HS6ST3: variants seen among roughly 807,000 people sequenced by gnomAD.
The protein encoded by HS6ST3 is heparan-sulfate 6-O-sulfotransferase 3.
HS6ST3 carries 12 observed loss-of-function variants against 36.7 expected under a neutral mutation model. The ratio of observed to expected loss-of-function variants is 0.33; its 90% CI spans 0.21 to 0.53. The LOEUF (loss-of-function observed/expected upper bound fraction) is 0.53, where lower values mean the gene tolerates loss of function less well. Among genes scored for constraint, HS6ST3 ranks in the 20% least tolerant of loss-of-function variants. The pLI is 0.95. For missense variants in HS6ST3, 584 were observed against 640.9 expected (o/e 0.91, Z 0.96); for synonymous variants, 240 against 257.5 (o/e 0.93, Z 0.65).
chr13:96,484,202 C>T (rs563588781), intron 1 of HS6ST3, among the ~76,000 whole-genome samples: 7 of 151,938 alleles, frequency 4.6e-5, no homozygotes, highest in Admixed American at 2.0e-4. Flanking sequence ...AAGTGTAAAA[C>T]TTAATGTTTT....
intron 1 of HS6ST3, among the ~76,000 whole-genome samples, chr13:96,378,539 C>A (rs78379771): frequency 0.014 from 2,205 of 152,266 alleles, 26 homozygotes; most frequent in East Asian, 0.057. Context: ...CCTGAATCTT[C>A]CTAGTGTTTT....
chr13:96,140,232 T>G (rs965978748), intron 1 of HS6ST3, among the ~76,000 whole-genome samples: 2 of 152,200 alleles, frequency 1.3e-5, no homozygotes, highest in Admixed American at 6.5e-5. Context: ...AGGTGCAGTA[T>G]TAAATCATAA....
intron 1 of HS6ST3, among the ~76,000 whole-genome samples, chr13:96,355,356 G>GTT (rs1344205709): frequency 1.7e-5 from 2 of 117,960 alleles, no homozygotes; most frequent in African/African-American, 6.7e-5. Flanking sequence ...TGAGTCTATA[G>GTT]TTACACACAC....
chr13:96,272,871 A>AATACCCTAAAG (rs1468791633), intron 1 of HS6ST3, among the ~76,000 whole-genome samples: 1 of 151,988 alleles, frequency 6.6e-6, no homozygotes, highest in Non-Finnish European at 1.5e-5. Flanking sequence ...GAGCCAAAAA[A>AATACCCTAAAG]ATACCCTAAA....
intron 1 of HS6ST3, among the ~76,000 whole-genome samples, chr13:96,721,360 G>A (rs1046899965): frequency 6.6e-6 from 1 of 152,142 alleles, no homozygotes; most frequent in Admixed American, 6.5e-5. Flanking sequence ...GTCTCTGAGG[G>A]AGATTTTTCT....
intron 1 of HS6ST3, among the ~76,000 whole-genome samples, chr13:96,092,463 G>A (rs549000391): frequency 6.6e-6 from 1 of 152,300 alleles, no homozygotes; most frequent in South Asian, 2.1e-4. Context: ...AACATGCTTT[G>A]AGAGAGACAT....
chr13:96,662,451 GT>G (rs1489922934), intron 1 of HS6ST3, among the ~76,000 whole-genome samples: 1 of 151,536 alleles, frequency 6.6e-6, no homozygotes, highest in Non-Finnish European at 1.5e-5. Context: ...CTTTCCAGAA[GT>G]TCTGTTTGAT....
intron 1 of HS6ST3, among the ~76,000 whole-genome samples, chr13:96,230,405 G>C (rs1326238222): frequency 6.6e-6 from 1 of 152,112 alleles, no homozygotes; most frequent in East Asian, 1.9e-4. Context: ...GGATTGATTT[G>C]ATGGGAAAGG....
chr13:96,589,643 T>C (rs1371555490), intron 1 of HS6ST3, among the ~76,000 whole-genome samples: 1 of 152,172 alleles, frequency 6.6e-6, no homozygotes, highest in Non-Finnish European at 1.5e-5. Context: ...TTTCTGTTTT[T>C]TGATATGGGT....
At chr13:96,193,187 A>T (rs2054296841) in intron 1 of HS6ST3, among the ~76,000 whole-genome samples, 1 of 152,208 alleles carries the variant, frequency 6.6e-6, no homozygotes, top group African/African-American at 2.4e-5. Context: ...TTTAGGTGGG[A>T]TCTGCTAAAT....
chr13:96,537,467 T>G (rs2056160428), intron 1 of HS6ST3, among the ~76,000 whole-genome samples: 1 of 152,230 alleles, frequency 6.6e-6, no homozygotes, highest in African/African-American at 2.4e-5. Context: ...CACTCCCAGT[T>G]GCAATTAATT....
intron 1 of HS6ST3, among the ~76,000 whole-genome samples, chr13:96,149,987 G>A (rs534102478): frequency 1.3e-5 from 2 of 152,290 alleles, no homozygotes; most frequent in Admixed American, 6.5e-5. Context: ...TGAGCGGGAC[G>A]GAGGGTTACA....
chr13:96,188,357 G>A (rs940664009), intron 1 of HS6ST3, among the ~76,000 whole-genome samples: 2 of 152,158 alleles, frequency 1.3e-5, no homozygotes, highest in Non-Finnish European at 2.9e-5. Context: ...GCTTATGCCT[G>A]TAATCCCAGC....
intron 1 of HS6ST3, among the ~76,000 whole-genome samples, chr13:96,814,239 G>A (rs947741978): frequency 3.9e-5 from 6 of 152,072 alleles, no homozygotes; most frequent in Admixed American, 6.6e-5. Context: ...TGCAAAGAAA[G>A]CAAATACTCT....
chr13:96,806,197 C>T (rs1187642590), intron 1 of HS6ST3, among the ~76,000 whole-genome samples: 1 of 152,272 alleles, frequency 6.6e-6, no homozygotes, highest in African/African-American at 2.4e-5. Context: ...TGTAAATTCA[C>T]CCAGAGAATA....
chr13:96,173,557 C>T (rs1001222661), intron 1 of HS6ST3, among the ~76,000 whole-genome samples: 14 of 150,478 alleles, frequency 9.3e-5, no homozygotes, highest in African/African-American at 3.2e-4. Context: ...GTGGAATCAT[C>T]GAATACTCAA....
chr13:96,385,473 A>G (rs1049893937), intron 1 of HS6ST3, among the ~76,000 whole-genome samples: 9 of 152,134 alleles, frequency 5.9e-5, no homozygotes, highest in African/African-American at 2.2e-4. Context: ...TTCTGCAAAA[A>G]GGTAGATAAG....
chr13:96,460,256 C>A (rs918412564), intron 1 of HS6ST3, among the ~76,000 whole-genome samples: 1 of 152,116 alleles, frequency 6.6e-6, no homozygotes, highest in Non-Finnish European at 1.5e-5. Context: ...ACAGGAAAGT[C>A]TAGCTTCAGA....
chr13:96,529,016 A>G (rs2056125549), intron 1 of HS6ST3, among the ~76,000 whole-genome samples: 1 of 152,140 alleles, frequency 6.6e-6, no homozygotes, highest in Non-Finnish European at 1.5e-5. Context: ...TACTATTGCC[A>G]TTTATAAACA....
Sources: allele counts gnomAD v4.1 joint callset (sites outside exome capture counted in the v4.1 genomes callset), GRCh38; gene constraint gnomAD v4.1.1; transcripts MANE v1.5; gene names NCBI Gene and HGNC (gene_info 2026-07-23, HGNC 2026-07-21).